CALN1: variants seen among roughly 807,000 people sequenced by gnomAD.
CALN1 encodes calneuron 1.
In CALN1, 17 loss-of-function variants were observed where a neutral mutation model predicts 30.6. That is an observed-to-expected ratio of 0.56 (90% confidence interval 0.38 to 0.83). The LOEUF (loss-of-function observed/expected upper bound fraction) is 0.83, where lower values mean the gene tolerates loss of function less well. Among genes scored for constraint, CALN1 ranks in the 40% least tolerant of loss-of-function variants. The pLI is 0.00. For missense variants in CALN1, 291 were observed against 354.9 expected, an observed-to-expected ratio of 0.82 and a Z score of 1.45; for synonymous variants, 156 against 131.4, an observed-to-expected ratio of 1.19 and a Z score of -1.28.
intron 5 of CALN1, among the ~76,000 whole-genome samples, chr7:71,888,607 T>C (rs1793058707): frequency 6.6e-6 from 1 of 152,072 alleles, no homozygotes; most frequent in Non-Finnish European, 1.5e-5. Context: ...AGCGTTGATC[T>C]CAGGGAAGGA....
chr7:72,032,107 G>C (rs1187352449), intron 4 of CALN1, among the ~76,000 whole-genome samples: 1 of 131,256 alleles, frequency 7.6e-6, no homozygotes, highest in Non-Finnish European at 1.5e-5. Context: ...CACCCAGGCT[G>C]GAGTGCAGTG....
chr7:72,336,723 C>T (rs1802072671), intron 2 of CALN1: 2 of 985,386 alleles, frequency 2.0e-6, no homozygotes, highest in Non-Finnish European at 2.4e-6. Flanking sequence ...GGCCGGGGCT[C>T]CGCAGCCCGG....
At position 72,079,761 on chromosome 7, in the gene CALN1, CTT is replaced by C. The variant is rs3065015; in HGVS notation, c.388+26388_388+26389del. Among the ~76,000 whole-genome samples the C allele has an allele frequency of 3.3e-3, 340 of 104,022 alleles. 3 individuals carry two copies. The highest frequency in any genetic ancestry group is 0.012 in the African/African-American group (299 of 25,040). The allele number at this position is 104,022 out of a possible 152,430, so 68.2% of individuals were successfully genotyped here. A position where few individuals can be genotyped will look rare whatever the true frequency, so the allele number is the denominator to read the frequency against. On this transcript the variant is annotated intron_variant, in intron 4 of 6. Transcript: ENST00000395275. ...AAATGCCCAAGAGGTTGCCTTTTTC[CTT>C]TTTTTTTTTTTTTTTTTTTTTTTTG...
At position 72,163,406 on chromosome 7, in the gene CALN1, A is replaced by C. The variant is rs191167028; in HGVS notation, c.245-57112T>G. On this transcript the variant is annotated intron_variant, in intron 3 of 6. Transcript: ENST00000395275. Reference sequence around the variant, plus strand: ...TTATTGGAGATTAAAAAAAAAAAAAAAAAACAGAAAAACATGTCACATAGT... The same window carrying C: ...TTATTGGAGATTAAAAAAAAAAAAACAAAACAGAAAAACATGTCACATAGT... 5.8e-3 allele frequency among the ~76,000 whole-genome samples: 879 copies of C among 151,352 alleles called. 14 individuals carry two copies. Among genetic ancestry groups the C allele is most frequent in the African/African-American group, 0.02 (812 of 41,312 alleles).
intron 5 of CALN1, among the ~76,000 whole-genome samples, chr7:71,955,256 A>C (rs1796900282): frequency 6.6e-6 from 1 of 152,116 alleles, no homozygotes; most frequent in Non-Finnish European, 1.5e-5. Flanking sequence ...GTATGGAAGA[A>C]ACCGTCCCTG....
chr7:72,010,209 A>G (rs1321871706), intron 5 of CALN1, among the ~76,000 whole-genome samples: 7 of 152,120 alleles, frequency 4.6e-5, no homozygotes, highest in Non-Finnish European at 1.0e-4. Context: ...TTGAGAGCTG[A>G]TTAGATCCTG....
chr7:72,249,882 A>G (rs1371312775), intron 3 of CALN1, among the ~76,000 whole-genome samples: 4 of 150,754 alleles, frequency 2.7e-5, no homozygotes, highest in African/African-American at 9.8e-5. Context: ...GGTTGCAGTG[A>G]GCCAAGATCA....
At chr7:72,239,301 A>G (rs1794686453) in intron 3 of CALN1, among the ~76,000 whole-genome samples, 2 of 152,106 alleles carry the variant, frequency 1.3e-5, no homozygotes, top group Non-Finnish European at 2.9e-5. Context: ...AGGAGGCTGA[A>G]GCAGGAGGAT....
At chr7:71,880,267 A>G (rs1792489201) in intron 5 of CALN1, among the ~76,000 whole-genome samples, 1 of 152,348 alleles carries the variant, frequency 6.6e-6, no homozygotes, top group South Asian at 2.1e-4. Flanking sequence ...AACTTGACAC[A>G]GTGCTAATTC....
chr7:72,140,322 AG>A (rs1809816774), intron 3 of CALN1, among the ~76,000 whole-genome samples: 1 of 130,770 alleles, frequency 7.6e-6, no homozygotes, highest in African/African-American at 2.8e-5. Context: ...AGAGGAACAG[AG>A]AAAGGGAGAA....
At chr7:72,474,072 G>A in the CALN1 span, among the ~76,000 whole-genome samples, 4 of 152,018 alleles carry the variant, frequency 2.6e-5, no homozygotes, top group Non-Finnish European at 5.9e-5. Flanking sequence ...ATCCTTACAG[G>A]GCAATAAGAT....
At chr7:72,371,163 G>A (rs1178098615) in intron 2 of CALN1, among the ~76,000 whole-genome samples, 1 of 151,970 alleles carries the variant, frequency 6.6e-6, no homozygotes, top group Non-Finnish European at 1.5e-5. Context: ...CTAACCTAGG[G>A]TTGCAAAGGT....
chr7:72,397,714 T>TCACACACACACA (rs3138810), intron 2 of CALN1, among the ~76,000 whole-genome samples: 8,158 of 142,718 alleles, frequency 0.057, 293 homozygotes, highest in Non-Finnish European at 0.073. Flanking sequence ...CCATTCTCTC[T>TCACACACACACA]CACACACACA....
chr7:72,387,151 A>G (rs533394060), intron 2 of CALN1, among the ~76,000 whole-genome samples: 18 of 147,482 alleles, frequency 1.2e-4, no homozygotes, highest in Admixed American at 7.5e-4. Context: ...ATAAGTATCC[A>G]TAAGTCCATA....
intron 2 of CALN1, among the ~76,000 whole-genome samples, chr7:72,377,367 T>C (rs369016702): frequency 1.3e-5 from 2 of 152,074 alleles, no homozygotes; most frequent in African/African-American, 4.8e-5. Context: ...AAGTTCACCA[T>C]CTGGACTTCC....
At chr7:72,337,138 C>G in intron 2 of CALN1, 1 of 985,898 alleles carries the variant, frequency 1.0e-6, no homozygotes. Flanking sequence ...CGAGGCCCCG[C>G]TGGAGTTGCG....
intron 6 of CALN1, 82 bp from the exon 7 acceptor site, chr7:71,787,984 G>A (rs1017403323): frequency 1.9e-6 from 3 of 1,583,788 alleles, no homozygotes; most frequent in Non-Finnish European, 2.6e-6. Context: ...AGTGAGATAG[G>A]TTGCAACTCT....
intron 3 of CALN1, among the ~76,000 whole-genome samples, chr7:72,107,307 T>C (rs148767563): frequency 2.0e-5 from 3 of 152,312 alleles, no homozygotes; most frequent in East Asian, 1.9e-4. Context: ...TCCAGCCTCA[T>C]AGGAGGAGAA....
intron 6 of CALN1, among the ~76,000 whole-genome samples, chr7:71,789,692 C>T (rs2115861494): frequency 6.6e-6 from 1 of 152,294 alleles, no homozygotes; most frequent in South Asian, 2.1e-4. Flanking sequence ...TTCTCTTAAT[C>T]TTTCTGTTGT....
Sources: allele counts gnomAD v4.1 joint callset (sites outside exome capture counted in the v4.1 genomes callset), GRCh38; gene constraint gnomAD v4.1.1; transcripts MANE v1.5; gene names NCBI Gene and HGNC (gene_info 2026-07-23, HGNC 2026-07-21).